UBAP2L: variants seen among roughly 807,000 people sequenced by gnomAD.
The protein encoded by UBAP2L is ubiquitin-associated protein 2-like.
A neutral mutation model predicts 130.6 loss-of-function variants in UBAP2L; 12 were observed. That is an observed-to-expected ratio of 0.09 (90% CI 0.06 to 0.15). The LOEUF (loss-of-function observed/expected upper bound fraction) is 0.15. Among genes scored for constraint, UBAP2L ranks in the 10% least tolerant of loss-of-function variants. The pLI, the probability that UBAP2L is intolerant of heterozygous loss-of-function variation, is 1.00. For missense variants in UBAP2L, 965 were observed against 1,332.5 expected, an observed-to-expected ratio of 0.72 and a Z score of 4.29; for synonymous variants, 503 against 524.7, an observed-to-expected ratio of 0.96 and a Z score of 0.57.
Position 154,270,531 on chromosome 1 carries a change from C to T in UBAP2L, c.*236C>T. The T allele has an allele frequency of 5.6e-6, 8 of 1,439,182 alleles. No homozygotes were observed. The highest frequency in any genetic ancestry group is 7.3e-6 in the Non-Finnish European group (8 of 1,101,036). 89.2% of individuals were successfully genotyped at this position (1,439,182 alleles called of 1,614,324 possible). On this transcript the variant is annotated 3_prime_UTR_variant, in exon 27 of 27. Transcript: ENST00000428931. ...TTTTCCCCCTTCCATTCCTTCTCCC[C>T]TCTTGCATTCAAGATTATGAAACTT... is the stretch of plus-strand genomic sequence containing the variant.
At chr1:154,236,945 G>A in intron 7 of UBAP2L, 79 bp from the exon 8 acceptor site, 1 of 1,087,336 alleles carries the variant, frequency 9.2e-7, no homozygotes, top group Non-Finnish European at 1.4e-6. Flanking sequence ...GAAGGATGCA[G>A]TCAAGATTTT....
intron 11 of UBAP2L, among the ~76,000 whole-genome samples, chr1:154,248,228 A>G (rs1376430490): frequency 6.6e-6 from 1 of 152,092 alleles, no homozygotes; most frequent in Non-Finnish European, 1.5e-5. Flanking sequence ...CAGCCTCCCA[A>G]AGTGCTGGGA....
chr1:154,226,127 T>C (rs888249874), intron 2 of UBAP2L, among the ~76,000 whole-genome samples: 2 of 152,222 alleles, frequency 1.3e-5, no homozygotes, highest in African/African-American at 4.8e-5. Flanking sequence ...CCTTGATACC[T>C]CTCTAGCAAG....
intron 4 of UBAP2L, among the ~76,000 whole-genome samples, chr1:154,233,178 T>C (rs2148598843): frequency 6.6e-6 from 1 of 152,160 alleles, no homozygotes; most frequent in South Asian, 2.1e-4. Flanking sequence ...CACGCCCAGC[T>C]AATTTTTTGT....
chr1:154,269,597 T>G (rs1243890461), intron 26 of UBAP2L: 4 of 370,058 alleles, frequency 1.1e-5, no homozygotes, highest in Middle Eastern at 7.6e-4. Context: ...ACCCTCTTTA[T>G]CTTTGTACCC....
rs762277704 is a variant in UBAP2L, at chr1:154,268,918, T to G, written c.3132T>G (p.Ser1044=). The change falls in exon 26 of 27, where the codon TCT becomes TCG. Residue 1044 remains serine, a synonymous_variant. Coordinates refer to ENST00000428931, the MANE Select transcript of UBAP2L (RefSeq NM_014847.4). ...TGACCCCCCATCAGCAGCCGCATTC[T>G]CAGATCCTTCACCATCACCTGCAGC... ...HILTPHQQPH[S]QILHHHLQQD... is the part of the protein sequence containing the mutation. 9 of 1,610,704 alleles carry G rather than the reference T, an allele frequency of 5.6e-6. No homozygotes were observed. The highest frequency in any genetic ancestry group is 1.3e-5 in the African/African-American group (1 of 74,448).
intron 26 of UBAP2L, 81 bp downstream of exon 26, chr1:154,269,035 C>T: frequency 1.3e-6 from 2 of 1,503,510 alleles, no homozygotes; most frequent in South Asian, 1.2e-5. Flanking sequence ...CTTTTCTTAC[C>T]CTTCCTCACC....
upstream of UBAP2L, chr1:154,220,608 T>TC: frequency 1.7e-6 from 1 of 604,210 alleles, no homozygotes; most frequent in Non-Finnish European, 2.9e-6. Flanking sequence ...CCTTCCAGCT[T>TC]CCCCCTGACA....
intron 2 of UBAP2L, among the ~76,000 whole-genome samples, chr1:154,226,464 C>T (rs184675964): frequency 6.6e-6 from 1 of 152,270 alleles, no homozygotes; most frequent in Admixed American, 6.5e-5. Context: ...ATTAGGACAT[C>T]CCCCTTACGC....
chr1:154,236,537 CTCTT>C, intron 6 of UBAP2L, 25 bp from the exon 7 acceptor site: 1 of 1,613,394 alleles, frequency 6.2e-7, no homozygotes, highest in Non-Finnish European at 8.5e-7. Context: ...AAATACATCT[CTCTT>C]CTCTTTTTCT....
At chr1:154,250,417 T>C (rs1373769644) in intron 12 of UBAP2L, among the ~76,000 whole-genome samples, 1 of 152,102 alleles carries the variant, frequency 6.6e-6, no homozygotes, top group East Asian at 1.9e-4. Context: ...TGCCAAGATA[T>C]GCCATGCCTT....
At position 154,270,451 on chromosome 1, in the gene UBAP2L, C is replaced by G; in HGVS notation, c.*156C>G. On this transcript the variant is annotated 3_prime_UTR_variant, in exon 27 of 27. Transcript: ENST00000428931. ...GCCTCAGCTTCATGTCTGTCCCATTCCTATACCATCCCCACCCTGTTGTAT... is the reference window on the plus strand; with the variant it reads ...GCCTCAGCTTCATGTCTGTCCCATTGCTATACCATCCCCACCCTGTTGTAT... 9 of 1,508,158 alleles carry G rather than the reference C, an allele frequency of 6.0e-6. No individual in the cohort carries two copies. Among genetic ancestry groups the G allele is most frequent in the Non-Finnish European group, 8.0e-6 (9 of 1,131,126 alleles). 93.4% of individuals were successfully genotyped at this position (1,508,158 alleles called of 1,614,324 possible).
intron 26 of UBAP2L, chr1:154,269,299 A>C: frequency 7.5e-7 from 1 of 1,336,564 alleles, no homozygotes; most frequent in African/African-American, 1.5e-5. Flanking sequence ...TTCCCTTCTA[A>C]TGGTGGAGTT....
downstream of UBAP2L, chr1:154,270,995 A>C: frequency 6.6e-7 from 1 of 1,513,230 alleles, no homozygotes; most frequent in Non-Finnish European, 9.0e-7. Flanking sequence ...TCGCCCTTTA[A>C]GAACTCCTGA....
chr1:154,239,202 C>G (rs1239942636), intron 8 of UBAP2L, among the ~76,000 whole-genome samples: 1 of 151,402 alleles, frequency 6.6e-6, no homozygotes, highest in African/African-American at 2.4e-5. Context: ...CAGACTTTCT[C>G]ATTTACAAGC....
intron 4 of UBAP2L, among the ~76,000 whole-genome samples, chr1:154,231,941 A>G (rs1333117775): frequency 2.6e-5 from 4 of 152,172 alleles, no homozygotes; most frequent in Non-Finnish European, 5.9e-5. Flanking sequence ...ATAATTTTGT[A>G]TTATCTAATA....
In UBAP2L at chr1:154,257,229, C is replaced by T. The variant is rs1055330743; in HGVS notation, c.2324C>T (p.Ser775Leu). Residue 775 changes from serine (S) to leucine (L), a missense_variant, in exon 19 of 27, where the codon TCG becomes TTG. Transcript: ENST00000428931. Reference sequence around the variant, plus strand: ...GGCAGCAACTCCACTGTCACAGCCTCGACTCGAAGCTCAGTTGCTACGACT... The same window carrying T: ...GGCAGCAACTCCACTGTCACAGCCTTGACTCGAAGCTCAGTTGCTACGACT... ...SLGSNSTVTA[S>L]TRSSVATTSG... 1.9e-6 allele frequency: 3 copies of T among 1,614,092 alleles called. No homozygotes were observed. Among genetic ancestry groups the T allele is most frequent in the Admixed American group, 1.7e-5 (1 of 60,010 alleles).
chr1:154,241,535 G>C lies in UBAP2L; in HGVS notation c.726G>C (p.Glu242Asp). 3.1e-6 allele frequency: 5 copies of C among 1,614,020 alleles called. No individual in the cohort carries two copies. The highest frequency in any genetic ancestry group is 4.2e-6 in the Non-Finnish European group (5 of 1,179,954). Residue 242 changes from glutamate to aspartate, a missense_variant, in exon 9 of 27, where the codon GAG (glutamate) becomes GAC (aspartate). Transcript: ENST00000428931. ...DGTSAWRTATEEWGTEDWNED... is the reference protein window; with the variant it reads ...DGTSAWRTATDEWGTEDWNED... ...CAGGTGCATGGAGGACTGCAACAGA[G>C]GAGTGGGGGACTGAAGATTGGAATG...
At chr1:154,241,078 T>G (rs1236778816) in intron 8 of UBAP2L, among the ~76,000 whole-genome samples, 1 of 151,926 alleles carries the variant, frequency 6.6e-6, no homozygotes, top group Non-Finnish European at 1.5e-5. Flanking sequence ...TTTCTTTTTT[T>G]TTGTTTTGTT....
Sources: gnomAD v4.1 joint callset for allele counts (sites outside exome capture counted in the v4.1 genomes callset) on GRCh38, gnomAD v4.1.1 for gene constraint, MANE v1.5 for transcripts, NCBI Gene and HGNC (gene_info 2026-07-23, HGNC 2026-07-21) for gene names.